CCDC149: variants seen among roughly 807,000 people sequenced by gnomAD.
CCDC149 encodes the protein coiled-coil domain containing 149.
CCDC149 carries 45 observed loss-of-function variants against 59.9 expected under a neutral mutation model. That is an observed-to-expected ratio of 0.75 (90% CI 0.59 to 0.96). The LOEUF is 0.96. CCDC149 is among the 40% of genes least tolerant of loss of function. The pLI, the probability that CCDC149 is intolerant of heterozygous loss-of-function variation, is 0.00. For synonymous variants in CCDC149, 245 were observed against 260.6 expected, an observed-to-expected ratio of 0.94 and a Z score of 0.58; for missense variants, 584 against 664.7, an observed-to-expected ratio of 0.88 and a Z score of 1.33.
intron 1 of CCDC149, among the ~76,000 whole-genome samples, chr4:24,959,592 A>T (rs1723578494): frequency 6.6e-6 from 1 of 152,234 alleles, no homozygotes; most frequent in Non-Finnish European, 1.5e-5. Flanking sequence ...AACCCATACC[A>T]AGGCATAGCA....
At chr4:24,817,890 G>C (rs1280711604) in intron 12 of CCDC149, among the ~76,000 whole-genome samples, 1 of 152,188 alleles carries the variant, frequency 6.6e-6, no homozygotes, top group Admixed American at 6.5e-5. Context: ...AGACAATCAT[G>C]AGGTTGGAAA....
At chr4:24,926,797 G>A (rs535297466) in intron 1 of CCDC149, among the ~76,000 whole-genome samples, 1 of 152,300 alleles carries the variant, frequency 6.6e-6, no homozygotes, top group Non-Finnish European at 1.5e-5. Flanking sequence ...ACTGTGGATC[G>A]TCTGAAGGTT....
At chr4:24,842,531 C>T (rs1022150519) in intron 4 of CCDC149, among the ~76,000 whole-genome samples, 9 of 152,204 alleles carry the variant, frequency 5.9e-5, no homozygotes, top group Non-Finnish European at 1.0e-4. Flanking sequence ...CAGTGCCTTG[C>T]ACAGCACCCG....
chr4:24,876,529 CACTT>C lies in CCDC149; in HGVS notation c.225+3_225+6del, dbSNP rs1719450408. 1.9e-6 allele frequency: 3 copies of C among 1,611,832 alleles called. No homozygotes were observed. The highest frequency in any genetic ancestry group is 1.3e-5 in the African/African-American group (1 of 74,990). ...AAAGTCGCTGAACAGGGCAGCCTAA[CACTT>C]ACAATCAGCTCTCGGTACTTCTTCT... On this transcript the variant is annotated splice_donor_5th_base_variant and intron_variant, in intron 2 of 12. Transcript: ENST00000635206.
intron 10 of CCDC149, among the ~76,000 whole-genome samples, chr4:24,822,108 T>C (rs1715439372): frequency 6.6e-6 from 1 of 152,176 alleles, no homozygotes; most frequent in South Asian, 2.1e-4. Context: ...CATATTAACT[T>C]TTAGGGCTGA....
chr4:24,934,285 A>G (rs1722672182), intron 1 of CCDC149, among the ~76,000 whole-genome samples: 3 of 152,106 alleles, frequency 2.0e-5, no homozygotes, highest in Admixed American at 2.0e-4. Context: ...AGTCTCATGA[A>G]ATGTGATAGT....
At chr4:24,920,106 A>G (rs1722242954) in intron 1 of CCDC149, among the ~76,000 whole-genome samples, 1 of 152,246 alleles carries the variant, frequency 6.6e-6, no homozygotes, top group Non-Finnish European at 1.5e-5. Context: ...CATGAAGAGC[A>G]GAATTCTGGT....
intron 4 of CCDC149, among the ~76,000 whole-genome samples, chr4:24,847,472 A>G (rs572989195): frequency 1.3e-5 from 2 of 152,338 alleles, no homozygotes; most frequent in South Asian, 4.2e-4. Context: ...CCCAACTAGA[A>G]TATCAGTACC....
At chr4:24,853,041 A>C in intron 4 of CCDC149, 31 bp downstream of exon 4, 2 of 1,380,618 alleles carry the variant, frequency 1.4e-6, no homozygotes, top group Non-Finnish European at 2.1e-6. Flanking sequence ...ATGTTGCAGC[A>C]GAGCTTCTTC....
Position 24,895,702 on chromosome 4 carries a change from A to G in CCDC149, c.63+17115T>C, listed in dbSNP as rs79296436. On this transcript the variant is annotated intron_variant, in intron 1 of 12. Coordinates refer to ENST00000635206, the MANE Select transcript of CCDC149 (RefSeq NM_001330643.2). ...ACAATGGGCATGGGGTGGGGTGGTG[A>G]GTCTGAGGTGTTACTAGATTATCTC... is the stretch of plus-strand genomic sequence containing the variant. 8.0e-3 allele frequency among the ~76,000 whole-genome samples: 1,215 copies of G among 152,044 alleles called. 14 individuals carry two copies. The highest frequency in any genetic ancestry group is 0.028 in the African/African-American group (1,162 of 41,472).
intron 1 of CCDC149, among the ~76,000 whole-genome samples, chr4:24,883,338 T>C (rs1054943179): frequency 6.6e-6 from 1 of 152,076 alleles, no homozygotes; most frequent in Non-Finnish European, 1.5e-5. Context: ...TATGCCTATT[T>C]GCACATACTT....
chr4:24,838,044 TGCATCCCAG>T, intron 5 of CCDC149, 103 bp downstream of exon 5: 1 of 859,784 alleles, frequency 1.2e-6, no homozygotes. Context: ...GCATTCAACG[TGCATCCCAG>T]GCACCCCATA....
At chr4:24,906,813 T>C (rs1405392818) in intron 1 of CCDC149, among the ~76,000 whole-genome samples, 2 of 152,020 alleles carry the variant, frequency 1.3e-5, no homozygotes, top group Non-Finnish European at 2.9e-5. Context: ...AAAAGTAGCA[T>C]GGATGTGGTG....
At position 24,838,270 on chromosome 4, in the gene CCDC149, G is replaced by C. The variant is rs1340730557; in HGVS notation, c.375C>G (p.Leu125=). ...TTTGTTTGGCAATCGTCATCCTCAA[G>C]AGCTGCATTTTCCATTGGTAGAAAA... Residue 125 remains leucine (L), a splice_region_variant and synonymous_variant, in exon 5 of 13, where the codon CTC becomes CTG. Transcript: ENST00000635206. 6.2e-7 allele frequency: 1 copy of C among 1,612,478 alleles called. No individual in the cohort carries two copies.
At chr4:24,939,531 C>A (rs1722892256) in intron 1 of CCDC149, among the ~76,000 whole-genome samples, 1 of 152,120 alleles carries the variant, frequency 6.6e-6, no homozygotes. Context: ...AGCAACGGAA[C>A]AAAGCTGGAT....
chr4:24,865,834 C>CA (rs1560225413), intron 3 of CCDC149, among the ~76,000 whole-genome samples: 1 of 152,132 alleles, frequency 6.6e-6, no homozygotes, highest in Non-Finnish European at 1.5e-5. Context: ...ACCTTCCTTA[C>CA]AAAATGGTTT....
At position 24,912,899 on chromosome 4, in the gene CCDC149, AC is replaced by A. The variant is rs1284868775; in HGVS notation, c.-21del. 5.3e-6 allele frequency: 7 copies of A among 1,308,512 alleles called. No individual in the cohort carries two copies. In the South Asian group the frequency reaches 6.4e-5, roughly 12 times the overall value. 81.1% of individuals were successfully genotyped at this position (1,308,512 alleles called of 1,614,324 possible). A position where few individuals can be genotyped will look rare whatever the true frequency, so the allele number is the denominator to read the frequency against. ...CTCCATGCGCTGGCCGGCCTCCTGG[AC>A]CCCCGCCGCCTCCTCCTCCTCGCGA... On this transcript the variant is annotated 5_prime_UTR_variant, in exon 1 of 13. Coordinates refer to ENST00000635206, the MANE Select transcript of CCDC149 (RefSeq NM_001330643.2).
chr4:24,849,683 A>G (rs1717533049), intron 4 of CCDC149, among the ~76,000 whole-genome samples: 1 of 152,240 alleles, frequency 6.6e-6, no homozygotes, highest in African/African-American at 2.4e-5. Flanking sequence ...ATCCAAGGCA[A>G]GTAATTTCCT....
intron 1 of CCDC149, among the ~76,000 whole-genome samples, chr4:24,908,890 C>T (rs1445550070): frequency 2.0e-5 from 3 of 152,280 alleles, no homozygotes; most frequent in Non-Finnish European, 2.9e-5. Context: ...GTGGGCTGAG[C>T]GATGACCAGG....
Sources: gnomAD v4.1 joint callset for allele counts (sites outside exome capture counted in the v4.1 genomes callset) on GRCh38, gnomAD v4.1.1 for gene constraint, MANE v1.5 for transcripts, NCBI Gene and HGNC (gene_info 2026-07-23, HGNC 2026-07-21) for gene names.